NUP188: variants seen among roughly 807,000 people sequenced by gnomAD.
NUP188 encodes the protein nucleoporin NUP188.
A neutral mutation model predicts 223.0 loss-of-function variants in NUP188; 97 were observed. The observed-to-expected ratio is 0.43, with a 90% CI of 0.37 to 0.51. The LOEUF is 0.51. Among genes scored for constraint, NUP188 ranks in the 20% least tolerant of loss-of-function variants. The pLI is 0.00. For missense variants in NUP188, 1,947 were observed against 2,175.6 expected, an observed-to-expected ratio of 0.89 and a Z score of 2.09; for synonymous variants, 869 against 828.0, an observed-to-expected ratio of 1.05 and a Z score of -0.85.
intron 3 of NUP188, among the ~76,000 whole-genome samples, chr9:128,953,306 G>A (rs1841821865): frequency 6.6e-6 from 1 of 152,014 alleles, no homozygotes; most frequent in African/African-American, 2.4e-5. Context: ...TTATTCTTTG[G>A]GTGAATATAT....
chr9:128,985,056 G>A, intron 20 of NUP188, 42 bp downstream of exon 20: 1 of 1,378,840 alleles, frequency 7.3e-7, no homozygotes, highest in Non-Finnish European at 1.0e-6. Flanking sequence ...AAAAGAAAAG[G>A]TCCAGTCTTG....
intron 12 of NUP188, 136 bp downstream of exon 12, chr9:128,973,385 T>C: frequency 1.7e-6 from 1 of 605,166 alleles, no homozygotes; most frequent in Non-Finnish European, 2.8e-6. Flanking sequence ...TTTTATTTAC[T>C]TTTTTCTTTT....
At chr9:128,979,541 C>A (rs1842226432) in intron 13 of NUP188, among the ~76,000 whole-genome samples, 1 of 152,148 alleles carries the variant, frequency 6.6e-6, no homozygotes, top group South Asian at 2.1e-4. Context: ...TAGAAAGAGG[C>A]AGCCAGAACC....
intron 20 of NUP188, among the ~76,000 whole-genome samples, chr9:128,985,648 G>A (rs1842322619): frequency 6.6e-6 from 1 of 152,154 alleles, no homozygotes; most frequent in Non-Finnish European, 1.5e-5. Flanking sequence ...AAAACAGAAT[G>A]CTATATGGTC....
At chr9:128,994,574 C>T in intron 28 of NUP188, 132 bp downstream of exon 28, 1 of 744,694 alleles carries the variant, frequency 1.3e-6, no homozygotes, top group Non-Finnish European at 2.3e-6. Context: ...CTAGAAACGT[C>T]TTTCTCAGGG....
At chr9:128,957,510 G>GC (rs762384767) in intron 5 of NUP188, among the ~76,000 whole-genome samples, 9 of 151,930 alleles carry the variant, frequency 5.9e-5, no homozygotes, top group Non-Finnish European at 1.2e-4. Context: ...TGTCTCCCAG[G>GC]CTGGAGTGCA....
Position 128,972,012 on chromosome 9 carries a change from T to A in NUP188, c.1113+1054T>A, listed in dbSNP as rs1427536792. Among the ~76,000 whole-genome samples, 5 of 152,218 alleles carry A rather than the reference T, an allele frequency of 3.3e-5. No homozygotes were observed. In the East Asian group the frequency reaches 9.7e-4, roughly 29 times the overall value. On this transcript the variant is annotated intron_variant, in intron 11 of 43. Coordinates refer to ENST00000372577, the MANE Select transcript of NUP188 (RefSeq NM_015354.3). ...GTCTCAAACTACTGATCTCAAGTGA[T>A]CTGCCCACCTCAGCCTCCCAAAGTT...
rs148732827 is a variant in NUP188, at chr9:129,003,517, G to T, written c.4434+63G>T. 1,248 of 1,566,824 alleles carry T rather than the reference G, an allele frequency of 8.0e-4. 19 individuals carry two copies. The East Asian group carries it at 0.025, about 31-fold the overall frequency. ...TGCTTGGAGACAGGGAGGCTGTGAG[G>T]TCTCACTGGGGCACTCCTAGTGAAT... On this transcript the variant is annotated intron_variant, in intron 38 of 43. Transcript: ENST00000372577.
intron 12 of NUP188, among the ~76,000 whole-genome samples, chr9:128,977,264 C>T (rs559553278): frequency 5.9e-5 from 9 of 151,832 alleles, no homozygotes; most frequent in South Asian, 2.1e-4. Flanking sequence ...GGACTACAGG[C>T]GCCCGCCGCC....
intron 24 of NUP188, 44 bp downstream of exon 24, chr9:128,988,230 T>G (rs889923407): frequency 6.2e-7 from 1 of 1,605,244 alleles, no homozygotes; most frequent in African/African-American, 1.3e-5. Context: ...GTATTTCTCT[T>G]CCAGTCATTT....
chr9:128,986,883 A>G lies in NUP188; in HGVS notation c.2264+8A>G, dbSNP rs760028528. 6 of 1,612,836 alleles carry G rather than the reference A, an allele frequency of 3.7e-6. No homozygotes were observed. Among genetic ancestry groups the G allele is most frequent in the Non-Finnish European group, 5.1e-6 (6 of 1,179,226 alleles). On this transcript the variant is annotated splice_region_variant and intron_variant, in intron 22 of 43. Transcript: ENST00000372577. ...GACAGACCTGCACAGCAGGTAATGA[A>G]GGGTTGATTACTAGAGCTTGGTGCT...
chr9:128,956,787 G>C (rs1189479247), intron 4 of NUP188, among the ~76,000 whole-genome samples, 165 bp from the exon 5 acceptor site: 2 of 152,132 alleles, frequency 1.3e-5, no homozygotes, highest in African/African-American at 4.8e-5. Context: ...TCAGTGACTG[G>C]CTCTTGTCTT....
At chr9:128,979,410 A>G (rs1245187861) in intron 13 of NUP188, 83 bp downstream of exon 13, 3 of 958,950 alleles carry the variant, frequency 3.1e-6, no homozygotes, top group Non-Finnish European at 4.9e-6. Context: ...CTAAGCATTC[A>G]TGTGCATTTT....
intron 8 of NUP188, among the ~76,000 whole-genome samples, chr9:128,964,569 C>T (rs1016221228): frequency 5.4e-5 from 8 of 149,162 alleles, no homozygotes; most frequent in Non-Finnish European, 1.0e-4. Context: ...GATGGTTTTG[C>T]CATGTTGCCC....
intron 25 of NUP188, 21 bp from the exon 26 acceptor site, chr9:128,993,176 G>A: frequency 6.2e-7 from 1 of 1,603,228 alleles, no homozygotes; most frequent in Non-Finnish European, 8.5e-7. Flanking sequence ...CTCTAAGCCT[G>A]TGTGTTCCGG....
chr9:128,961,103 A>C (rs1014887412), intron 8 of NUP188, among the ~76,000 whole-genome samples: 3 of 149,632 alleles, frequency 2.0e-5, no homozygotes, highest in South Asian at 2.1e-4. Flanking sequence ...AAAAAAAAAA[A>C]CCATAAAAAA....
intron 42 of NUP188, 43 bp from the exon 43 acceptor site, chr9:129,006,196 C>G: frequency 6.2e-7 from 1 of 1,614,154 alleles, no homozygotes; most frequent in Non-Finnish European, 8.5e-7. Context: ...CTTGGCCAGC[C>G]TGGCCCTCTG....
intron 8 of NUP188, among the ~76,000 whole-genome samples, chr9:128,961,581 T>C (rs1031329631): frequency 1.2e-4 from 16 of 130,608 alleles, no homozygotes; most frequent in Middle Eastern, 3.6e-3. Context: ...TCTATATCTA[T>C]CTATCTATCT....
At position 129,005,628 on chromosome 9, in the gene NUP188, CTT is replaced by C; in HGVS notation, c.4738-16_4738-15del. ...GGCCTTAATTGGGTCCTGGATGGCT[CTT>C]GTCTTTTCTCGCAGTCCCTGGACCT... On this transcript the variant is annotated splice_polypyrimidine_tract_variant and intron_variant, in intron 40 of 43. Transcript: ENST00000372577. 5.6e-6 allele frequency: 9 copies of C among 1,612,584 alleles called. No individual in the cohort carries two copies. Among genetic ancestry groups the C allele is most frequent in the Non-Finnish European group, 7.6e-6 (9 of 1,179,152 alleles).
Sources: gnomAD v4.1 joint callset for allele counts (sites outside exome capture counted in the v4.1 genomes callset) on GRCh38, gnomAD v4.1.1 for gene constraint, MANE v1.5 for transcripts, NCBI Gene and HGNC (gene_info 2026-07-23, HGNC 2026-07-21) for gene names.